The following JMJD1C variants were observed in gnomAD, a reference collection of about 807,000 sequenced individuals.
JMJD1C encodes jumonji domain-containing protein 1C.
In JMJD1C, 31 loss-of-function variants were observed where a neutral mutation model predicts 245.3. The observed-to-expected ratio is 0.13, with a 90% CI of 0.09 to 0.17. The LOEUF is 0.17. Ranked by LOEUF, JMJD1C falls within the 10% of genes least tolerant of loss-of-function variation. JMJD1C has a pLI of 1.00. For synonymous variants in JMJD1C, 1,057 were observed against 1,017.4 expected (o/e 1.04, Z -0.74); for missense variants, 2,691 against 3,000.2 (o/e 0.90, Z 2.41).
At chr10:63,433,662 T>C (rs1269555102) in intron 1 of JMJD1C, among the ~76,000 whole-genome samples, 10 of 150,176 alleles carry the variant, frequency 6.7e-5, no homozygotes, top group Admixed American at 6.6e-4. Context: ...CATGGCTCAC[T>C]GCAGTTTCGA....
intron 2 of JMJD1C, among the ~76,000 whole-genome samples, chr10:63,316,920 T>G (rs1940143861): frequency 6.6e-6 from 1 of 152,144 alleles, no homozygotes; most frequent in African/African-American, 2.4e-5. Flanking sequence ...ACTGGCAGGA[T>G]CTTGGCTTGG....
intron 1 of JMJD1C, among the ~76,000 whole-genome samples, chr10:63,459,051 G>A (rs1952608649): frequency 6.6e-6 from 1 of 152,060 alleles, no homozygotes; most frequent in African/African-American, 2.4e-5. Context: ...GTTGATTATG[G>A]TAATATAGTA....
intron 2 of JMJD1C, among the ~76,000 whole-genome samples, chr10:63,334,661 C>A (rs902227526): frequency 6.7e-6 from 1 of 149,490 alleles, no homozygotes; most frequent in Non-Finnish European, 1.5e-5. Flanking sequence ...GTGGAGGTTG[C>A]AGCGAGCTGA....
Position 63,225,625 on chromosome 10 carries a change from A to C in JMJD1C, c.448-5642T>G, listed in dbSNP as rs188734627. On this transcript the variant is annotated intron_variant, in intron 3 of 25. Coordinates refer to ENST00000399262, the MANE Select transcript of JMJD1C (RefSeq NM_032776.3). Reference sequence around the variant, plus strand: ...AAACCCCGTCTCTACTAAAAATACAAAAATTAGCCAGGTGTAGTGACACAC... The same window carrying C: ...AAACCCCGTCTCTACTAAAAATACACAAATTAGCCAGGTGTAGTGACACAC... 2.7e-3 allele frequency among the ~76,000 whole-genome samples: 408 copies of C among 152,150 alleles called. 3 individuals carry two copies. Among genetic ancestry groups the C allele is most frequent in the African/African-American group, 9.2e-3 (380 of 41,486 alleles).
intron 2 of JMJD1C, among the ~76,000 whole-genome samples, chr10:63,315,599 G>A (rs1316872029): frequency 1.3e-5 from 2 of 152,098 alleles, no homozygotes; most frequent in African/African-American, 4.8e-5. Flanking sequence ...AGCACTTTGG[G>A]AGGCCGAGGC....
intron 1 of JMJD1C, among the ~76,000 whole-genome samples, chr10:63,423,583 CTTTT>C (rs1404130117): frequency 6.6e-6 from 1 of 152,072 alleles, no homozygotes; most frequent in Non-Finnish European, 1.5e-5. Flanking sequence ...TTATTTCTGC[CTTTT>C]GTCTATTTTG....
At chr10:63,421,824 G>T (rs1282149476) in intron 1 of JMJD1C, among the ~76,000 whole-genome samples, 1 of 152,100 alleles carries the variant, frequency 6.6e-6, no homozygotes, top group Non-Finnish European at 1.5e-5. Context: ...GTGAGGACAT[G>T]GCAAGAAAGC....
chr10:63,483,031 A>G (rs1953877376), intron 1 of JMJD1C, among the ~76,000 whole-genome samples: 1 of 152,246 alleles, frequency 6.6e-6, no homozygotes, highest in African/African-American at 2.4e-5. Context: ...ACTCTAGTCT[A>G]AATAATTATC....
chr10:63,305,450 C>T (rs1317432399), intron 2 of JMJD1C, among the ~76,000 whole-genome samples: 4 of 119,906 alleles, frequency 3.3e-5, no homozygotes, highest in South Asian at 2.7e-4. Flanking sequence ...CATGGCAAGA[C>T]GCTCTGACCC....
chr10:63,238,051 G>C (rs1850972743), intron 3 of JMJD1C, among the ~76,000 whole-genome samples: 1 of 146,088 alleles, frequency 6.8e-6, no homozygotes, highest in Non-Finnish European at 1.5e-5. Context: ...TATGGAGGCA[G>C]GTGCCTGTAA....
chr10:63,479,747 T>C (rs1277824745), intron 1 of JMJD1C, among the ~76,000 whole-genome samples: 1 of 152,208 alleles, frequency 6.6e-6, no homozygotes, highest in East Asian at 1.9e-4. Flanking sequence ...TAGTCCATAA[T>C]AGTCCATAGG....
At chr10:63,245,941 A>T (rs1852151206) in intron 3 of JMJD1C, among the ~76,000 whole-genome samples, 1 of 152,204 alleles carries the variant, frequency 6.6e-6, no homozygotes, top group Admixed American at 6.5e-5. Context: ...GTGGGGACAC[A>T]TGCAAACATA....
intron 16 of JMJD1C, among the ~76,000 whole-genome samples, chr10:63,191,626 T>C (rs1215849416): frequency 6.6e-6 from 1 of 152,106 alleles, no homozygotes; most frequent in Non-Finnish European, 1.5e-5. Flanking sequence ...AAGGCCTTCC[T>C]CAATATTTAA....
intron 2 of JMJD1C, among the ~76,000 whole-genome samples, chr10:63,297,261 T>C (rs185739595): frequency 2.0e-5 from 3 of 152,326 alleles, no homozygotes; most frequent in Admixed American, 2.0e-4. Context: ...TTGATGCCTT[T>C]TGGCCAGTCG....
intron 3 of JMJD1C, among the ~76,000 whole-genome samples, chr10:63,237,353 A>AAAT (rs1554850230): frequency 5.7e-4 from 87 of 151,354 alleles, no homozygotes; most frequent in African/African-American, 1.2e-3. Flanking sequence ...CTCACTAAAA[A>AAAT]TTTTTTTTTA....
Position 63,465,589 on chromosome 10 carries a change from G to A in JMJD1C, c.74C>T (p.Ser25Leu), listed in dbSNP as rs1480443114. 5.0e-6 allele frequency: 8 copies of A among 1,609,442 alleles called. No individual in the cohort carries two copies. Among genetic ancestry groups the A allele is most frequent in the African/African-American group, 1.3e-5 (1 of 74,928 alleles). ...LCVAVGDEAR[S>L]ERWESGRGWR... ...GCCGCGTCCGCTCTCCCAGCGCTCC[G>A]AACGTGCCTCGTCGCCGACCGCCAC... The change falls in exon 1 of 26, where the codon TCG (serine) becomes TTG (leucine). Residue 25 changes from serine (S) to leucine (L), a missense_variant. By Grantham distance (145) the Ser-to-Leu change is moderately radical. This residue lies in a region of JMJD1C where 135 missense variants were observed against 115.5 expected (regional missense o/e 1.17). Transcript: ENST00000399262.
rs74137715 is a variant in JMJD1C at position 63,325,911 on chromosome 10, C to A, written c.333+54407G>T. Among the ~76,000 whole-genome samples the A allele has an allele frequency of 9.9e-3, 1,506 of 152,282 alleles. 22 individuals are homozygous for A. The highest frequency in any genetic ancestry group is 0.034 in the African/African-American group (1,395 of 41,560). On this transcript the variant is annotated intron_variant, in intron 2 of 25. Coordinates refer to ENST00000399262, the MANE Select transcript of JMJD1C (RefSeq NM_032776.3). ...CATATATTCTATGTAGATCAACATACTTATATTTATTCCATTTACATATTA... is the reference window on the plus strand; with the variant it reads ...CATATATTCTATGTAGATCAACATAATTATATTTATTCCATTTACATATTA...
intron 1 of JMJD1C, among the ~76,000 whole-genome samples, chr10:63,491,630 T>A (rs1035680525): frequency 6.6e-6 from 1 of 152,248 alleles, no homozygotes; most frequent in Non-Finnish European, 1.5e-5. Flanking sequence ...CCCTTCTTTA[T>A]TGTGTCTGAA....
At chr10:63,445,313 G>T (rs1020686345) in intron 1 of JMJD1C, among the ~76,000 whole-genome samples, 1 of 152,194 alleles carries the variant, frequency 6.6e-6, no homozygotes, top group East Asian at 1.9e-4. Flanking sequence ...GAGGAGGGAA[G>T]AGGTCAATTT....
Sources: gnomAD v4.1 joint callset for allele counts (sites outside exome capture counted in the v4.1 genomes callset) on GRCh38, gnomAD v4.1.1 for gene constraint, gnomAD v4.1.1 regional missense constraint, MANE v1.5 for transcripts, NCBI Gene and HGNC (gene_info 2026-07-23, HGNC 2026-07-21) for gene names.